TENT5C: variants seen among roughly 807,000 people sequenced by gnomAD.
TENT5C encodes family with sequence similarity 46 member C.
Under a neutral mutation model 22.2 loss-of-function variants are expected in TENT5C, and 5 were observed. That is an observed-to-expected ratio of 0.22 (90% CI 0.12 to 0.47). The LOEUF (loss-of-function observed/expected upper bound fraction) is 0.47, where lower values mean the gene tolerates loss of function less well. Ranked by LOEUF, TENT5C falls within the 20% of genes least tolerant of loss-of-function variation. TENT5C has a pLI of 0.99. For synonymous variants in TENT5C, 199 were observed against 195.4 expected (o/e 1.02, Z -0.15); for missense variants, 364 against 500.9 (o/e 0.73, Z 2.61).
intron 1 of TENT5C, among the ~76,000 whole-genome samples, chr1:117,618,850 T>C (rs1211283097): frequency 1.3e-5 from 2 of 152,228 alleles, no homozygotes; most frequent in African/African-American, 4.8e-5. Context: ...CTTTATATGC[T>C]TGTGTAAGCA....
intron 1 of TENT5C, among the ~76,000 whole-genome samples, 166 bp downstream of exon 1, chr1:117,606,319 G>C (rs1003732962): frequency 6.6e-6 from 1 of 151,640 alleles, no homozygotes; most frequent in Admixed American, 6.6e-5. Flanking sequence ...CAGGTGCCGA[G>C]ACCCGGTGCT....
At chr1:117,619,068 A>G (rs967508861) in intron 1 of TENT5C, among the ~76,000 whole-genome samples, 11 of 152,216 alleles carry the variant, frequency 7.2e-5, no homozygotes, top group African/African-American at 2.7e-4. Flanking sequence ...AGATCATTTA[A>G]CCATCTTCTA....
intron 1 of TENT5C, 103 bp downstream of exon 1, chr1:117,606,256 C>G (rs1449700465): frequency 6.6e-6 from 1 of 152,046 alleles, no homozygotes; most frequent in Non-Finnish European, 1.5e-5. Flanking sequence ...AAGTGGTGCT[C>G]AGGTCTTTGC....
chr1:117,623,077 G>A lies in TENT5C; in HGVS notation c.209G>A (p.Arg70Gln). Reference protein sequence around the residue: ...EEAGIKVHDVRLNGSAAGHVL... With the variant: ...EEAGIKVHDVQLNGSAAGHVL... ...GCAGGCATCAAAGTGCACGACGTCC[G>A]GCTGAATGGCTCCGCAGCTGGCCAC... The change falls in exon 2 of 2, where the codon CGG becomes CAG. Residue 70 changes from arginine (R) to glutamine (Q), a missense_variant. By Grantham distance (43) the Arg-to-Gln change is conservative. Transcript: ENST00000369448. The A allele has an allele frequency of 1.2e-6, 2 of 1,614,184 alleles. No individual in the cohort carries two copies. The highest frequency in any genetic ancestry group is 1.7e-6 in the Non-Finnish European group (2 of 1,180,034).
In TENT5C at chr1:117,623,684, C is replaced by G. The variant is rs1390115568; in HGVS notation, c.816C>G (p.Ser272=). Residue 272 remains serine, a synonymous_variant, in exon 2 of 2, where the codon TCC becomes TCG. Transcript: ENST00000369448. ...EIKTLERYMC[S]RFFIDFPDIL... is the part of the protein sequence containing the mutation. ...AAACTCTAGAGCGCTACATGTGCTCCAGGTTCTTCATCGACTTCCCGGACA... is the reference window on the plus strand; with the variant it reads ...AAACTCTAGAGCGCTACATGTGCTCGAGGTTCTTCATCGACTTCCCGGACA... The G allele has an allele frequency of 3.6e-5, 58 of 1,613,992 alleles. No individual in the cohort carries two copies. The highest frequency in any genetic ancestry group is 4.9e-5 in the Non-Finnish European group (58 of 1,180,040).
chr1:117,619,074 T>G (rs1223245063), intron 1 of TENT5C, among the ~76,000 whole-genome samples: 1 of 152,220 alleles, frequency 6.6e-6, no homozygotes, highest in Non-Finnish European at 1.5e-5. Flanking sequence ...TTTAACCATC[T>G]TCTATTGGTG....
intron 1 of TENT5C, among the ~76,000 whole-genome samples, chr1:117,620,661 C>A (rs1210489165): frequency 6.6e-6 from 1 of 152,094 alleles, no homozygotes; most frequent in Non-Finnish European, 1.5e-5. Context: ...GGCAGGTGAG[C>A]GAGCATTACC....
Position 117,623,699 on chromosome 1 carries a change from C to T in TENT5C, c.831C>T (p.Asp277=). ...ERYMCSRFFI[D]FPDILEQQRK... ...ACATGTGCTCCAGGTTCTTCATCGA[C>T]TTCCCGGACATCCTTGAACAGCAGA... is the stretch of plus-strand genomic sequence containing the variant. Residue 277 remains aspartate, a synonymous_variant, in exon 2 of 2, where the codon GAC becomes GAT. Coordinates refer to ENST00000369448, the MANE Select transcript of TENT5C (RefSeq NM_017709.4). The T allele has an allele frequency of 1.2e-6, 2 of 1,614,158 alleles. No homozygotes were observed. The highest frequency in any genetic ancestry group is 1.7e-6 in the Non-Finnish European group (2 of 1,180,034).
In TENT5C at chr1:117,622,224, ACTTT is replaced by A. The variant is rs1558007455; in HGVS notation, c.-27-617_-27-614del. Reference sequence around the variant, plus strand: ...CATGGGAATTTTGCTAAGGGAATATACTTTATTCTAGTAGAAGGGGATGGATTCC... The same window carrying A: ...CATGGGAATTTTGCTAAGGGAATATAATTCTAGTAGAAGGGGATGGATTCC... On this transcript the variant is annotated intron_variant, in intron 1 of 1. Coordinates refer to ENST00000369448, the MANE Select transcript of TENT5C (RefSeq NM_017709.4). Among the ~76,000 whole-genome samples the A allele has an allele frequency of 2.0e-5, 3 of 152,158 alleles. No homozygotes were observed. The East Asian group carries it at 5.8e-4, about 29-fold the overall frequency.
At chr1:117,617,159 A>G (rs996334839) in intron 1 of TENT5C, among the ~76,000 whole-genome samples, 1 of 151,952 alleles carries the variant, frequency 6.6e-6, no homozygotes, top group African/African-American at 2.4e-5. Flanking sequence ...TTCACTGGCT[A>G]GTCCAGAGAT....
intron 1 of TENT5C, among the ~76,000 whole-genome samples, chr1:117,608,122 C>T (rs900198980): frequency 6.6e-6 from 1 of 151,158 alleles, no homozygotes; most frequent in African/African-American, 2.4e-5. Flanking sequence ...TAAATTGTTA[C>T]CAAAACAAAG....
intron 1 of TENT5C, among the ~76,000 whole-genome samples, chr1:117,615,456 G>T (rs1352178553): frequency 1.3e-5 from 2 of 152,224 alleles, no homozygotes; most frequent in African/African-American, 4.8e-5. Flanking sequence ...GGTTGTTATA[G>T]AAATCAAATG....
At position 117,623,035 on chromosome 1, in the gene TENT5C, G is replaced by A. The variant is rs565811357; in HGVS notation, c.167G>A (p.Arg56His). The A allele has an allele frequency of 1.4e-5, 22 of 1,614,068 alleles. No individual in the cohort carries two copies. Among genetic ancestry groups the A allele is most frequent in the African/African-American group, 6.7e-5 (5 of 74,928 alleles). The stretch of plus-strand genomic sequence containing the variant: ...CTGAAGGACATCGTCCAGACCGTCC[G>A]CAGTCGGCTGGAGGAGGCAGGCATC... ...ITLKDIVQTV[R>H]SRLEEAGIKV... The change falls in exon 2 of 2, where the codon CGC becomes CAC. Residue 56 changes from arginine (R) to histidine (H), a missense_variant. Arg to His is a conservative substitution (Grantham distance 29, BLOSUM62 0). Around this residue, in one of 3 missense-constraint regions of TENT5C, gnomAD observed 303 missense variants for 394.5 expected, o/e 0.77. Transcript: ENST00000369448.
In TENT5C at chr1:117,625,408, CAG is replaced by C. The variant is rs1163077699; in HGVS notation, c.*1365_*1366del. On this transcript the variant is annotated 3_prime_UTR_variant, in exon 2 of 2. Transcript: ENST00000369448. ...ATAATTCTGCACTTTAGAAGAAAAACAGTGTTAATCTGTAGTTGAAAGAAAGC... is the reference window on the plus strand; with the variant it reads ...ATAATTCTGCACTTTAGAAGAAAAACTGTTAATCTGTAGTTGAAAGAAAGC... 8.1e-6 allele frequency: 2 copies of C among 248,006 alleles called. No homozygotes were observed. The highest frequency in any genetic ancestry group is 1.7e-5 in the Non-Finnish European group (2 of 118,124). The allele number at this position is 248,006 out of a possible 1,614,324, so 15.4% of individuals were successfully genotyped here. A position where few individuals can be genotyped will look rare whatever the true frequency, so the allele number is the denominator to read the frequency against.
At chr1:117,609,822 C>T (rs542670208) in intron 1 of TENT5C, among the ~76,000 whole-genome samples, 12 of 152,110 alleles carry the variant, frequency 7.9e-5, no homozygotes, top group East Asian at 3.9e-4. Flanking sequence ...GTTCGGTTGG[C>T]GGCTTGCAAA....
At chr1:117,615,996 A>C (rs2101075959) in intron 1 of TENT5C, among the ~76,000 whole-genome samples, 1 of 152,308 alleles carries the variant, frequency 6.6e-6, no homozygotes, top group Non-Finnish European at 1.5e-5. Context: ...TGGCTATGAG[A>C]ACTGGTGATC....
rs1337298564 is a variant in TENT5C, at chr1:117,624,116, C to A, written c.*72C>A. The A allele has an allele frequency of 1.5e-6, 2 of 1,299,514 alleles. No individual in the cohort carries two copies. Among genetic ancestry groups the A allele is most frequent in the Non-Finnish European group, 2.1e-6 (2 of 951,602 alleles). 80.5% of individuals were successfully genotyped at this position (1,299,514 alleles called of 1,614,324 possible). On this transcript the variant is annotated 3_prime_UTR_variant, in exon 2 of 2. Coordinates refer to ENST00000369448, the MANE Select transcript of TENT5C (RefSeq NM_017709.4). ...GGCTCTCAGGTAGGGGAGCCTCCTT[C>A]TAGATGTAGGCATTTGGCTTTTAAA... is the stretch of plus-strand genomic sequence containing the variant.
chr1:117,625,620 TC>T lies in TENT5C; in HGVS notation c.*1581del, dbSNP rs1036186970. ...AAATTCATGCTCCTGATCTTTTTTTTCCCCCTTCCTTTGGCTATGAAAACCC... is the reference window on the plus strand; with the variant it reads ...AAATTCATGCTCCTGATCTTTTTTTTCCCCTTCCTTTGGCTATGAAAACCC... On this transcript the variant is annotated 3_prime_UTR_variant, in exon 2 of 2. Coordinates refer to ENST00000369448, the MANE Select transcript of TENT5C (RefSeq NM_017709.4). The T allele has an allele frequency of 4.4e-5, 11 of 248,146 alleles. No homozygotes were observed. The South Asian group carries it at 7.2e-4, about 16-fold the overall frequency. The allele number at this position is 248,146 out of a possible 1,614,324, so 15.4% of individuals were successfully genotyped here.
chr1:117,610,056 T>G (rs962230367), intron 1 of TENT5C, among the ~76,000 whole-genome samples: 2 of 152,154 alleles, frequency 1.3e-5, no homozygotes, highest in Non-Finnish European at 2.9e-5. Context: ...CTCACATGGC[T>G]CACTCAGCCT....
Sources: allele counts gnomAD v4.1 joint callset (sites outside exome capture counted in the v4.1 genomes callset), GRCh38; gene constraint gnomAD v4.1.1; regional missense constraint gnomAD v4.1.1; transcripts MANE v1.5; gene names NCBI Gene and HGNC (gene_info 2026-07-23, HGNC 2026-07-21).